Variants in YAF2 observed in about 807,000 individuals in gnomAD.
YAF2 encodes the protein YY1 associated factor 2.
In YAF2, 7 loss-of-function variants were observed where a neutral mutation model predicts 20.1. The observed-to-expected ratio is 0.35, with a 90% CI of 0.20 to 0.65. The LOEUF (loss-of-function observed/expected upper bound fraction) is 0.65, where lower values mean the gene tolerates loss of function less well. Among genes scored for constraint, YAF2 ranks in the 30% least tolerant of loss-of-function variants. The pLI is 0.69. For synonymous variants in YAF2, 74 were observed against 76.0 expected (o/e 0.97, Z 0.14); for missense variants, 151 against 219.2 (o/e 0.69, Z 1.96).
chr12:42,172,306 G>A (rs752445892), intron 2 of YAF2: 5 of 152,134 alleles, frequency 3.3e-5, no homozygotes, highest in African/African-American at 4.8e-5. Flanking sequence ...GACAGAAGTC[G>A]TACAAAATTA....
intron 2 of YAF2, among the ~76,000 whole-genome samples, chr12:42,184,426 C>T (rs1156418281): frequency 6.6e-6 from 1 of 152,190 alleles, no homozygotes; most frequent in Non-Finnish European, 1.5e-5. Flanking sequence ...TCTCCTGCCT[C>T]AGTCTCCTGA....
intron 2 of YAF2, among the ~76,000 whole-genome samples, chr12:42,169,627 G>A (rs1221830029): frequency 2.0e-5 from 3 of 151,874 alleles, no homozygotes; most frequent in Admixed American, 6.6e-5. Flanking sequence ...TGCCCAGGCT[G>A]GTCTCAAACT....
rs772110525 is a variant in YAF2 at position 42,160,613 on chromosome 12, T to C, written c.519A>G (p.Ser173=). Reference sequence around the variant, plus strand: ...TTTAATGAGATTCTCCATTCAATGATGAGGCTTCTCCTCTGGGTGAAGATG... The same window carrying C: ...TTTAATGAGATTCTCCATTCAATGACGAGGCTTCTCCTCTGGGTGAAGATG... ...SRSSSPRGEA[S]SLNGESH is the part of the protein sequence containing the mutation. Residue 173 remains serine (S), a synonymous_variant, in exon 4 of 4, where the codon TCA becomes TCG. Coordinates refer to ENST00000534854, the MANE Select transcript of YAF2 (RefSeq NM_005748.6). 1 of 1,613,056 alleles carries C rather than the reference T, an allele frequency of 6.2e-7. No homozygotes were observed. The highest frequency in any genetic ancestry group is 8.5e-7 in the Non-Finnish European group (1 of 1,179,288).
At chr12:42,163,827 C>T (rs1165296312) in intron 2 of YAF2, among the ~76,000 whole-genome samples, 1 of 152,138 alleles carries the variant, frequency 6.6e-6, no homozygotes, top group Non-Finnish European at 1.5e-5. Flanking sequence ...GATCTTTTTA[C>T]AACATCGTAA....
At chr12:42,195,202 T>C (rs11181374) in intron 2 of YAF2, among the ~76,000 whole-genome samples, 1,534 of 152,288 alleles carry the variant, frequency 0.01, 31 homozygotes, top group African/African-American at 0.035. Flanking sequence ...AAGTTCTCTG[T>C]AAATGAGGAA....
chr12:42,209,599 A>G (rs2137219801), intron 2 of YAF2, among the ~76,000 whole-genome samples: 1 of 151,268 alleles, frequency 6.6e-6, no homozygotes, highest in Admixed American at 6.6e-5. Context: ...AGTGCTAGAC[A>G]ATTAATATAA....
chr12:42,209,450 G>A (rs2067142443), intron 2 of YAF2, among the ~76,000 whole-genome samples: 2 of 151,276 alleles, frequency 1.3e-5, no homozygotes, highest in South Asian at 4.2e-4. Context: ...TGTAGTCCCA[G>A]CTACTCAGGA....
intron 2 of YAF2, among the ~76,000 whole-genome samples, chr12:42,192,182 G>A (rs1033963090): frequency 1.3e-5 from 2 of 152,142 alleles, no homozygotes; most frequent in Non-Finnish European, 2.9e-5. Flanking sequence ...AGGCAGACCA[G>A]GCCAAGAAGG....
At chr12:42,181,971 C>A (rs542930798) in intron 2 of YAF2, among the ~76,000 whole-genome samples, 3 of 152,142 alleles carry the variant, frequency 2.0e-5, no homozygotes, top group African/African-American at 7.2e-5. Context: ...GCCAGTGTTA[C>A]CTAGTGTAAT....
rs182696533 is a variant in YAF2, at chr12:42,176,278, C to T, written c.153-14513G>A. On this transcript the variant is annotated intron_variant, in intron 2 of 3. Transcript: ENST00000534854. ...CTGGGACTACAGGAGTGCACCATCACGCCAGCTAATTTTTGTATTTTAAAT... is the reference window on the plus strand; with the variant it reads ...CTGGGACTACAGGAGTGCACCATCATGCCAGCTAATTTTTGTATTTTAAAT... 8.3e-3 allele frequency among the ~76,000 whole-genome samples: 1,257 copies of T among 151,528 alleles called. 11 individuals are homozygous for T. The highest frequency in any genetic ancestry group is 0.014 in the Non-Finnish European group (926 of 67,936).
intron 2 of YAF2, among the ~76,000 whole-genome samples, chr12:42,215,188 CTACT>C (rs1316635010): frequency 4.6e-5 from 7 of 152,120 alleles, no homozygotes; most frequent in African/African-American, 1.7e-4. Context: ...AGAGTCTTGG[CTACT>C]CCTTTCTTAT....
chr12:42,165,992 A>G (rs890172876), intron 2 of YAF2, among the ~76,000 whole-genome samples: 31 of 151,728 alleles, frequency 2.0e-4, no homozygotes, highest in Admixed American at 1.2e-3. Flanking sequence ...ATCTTGGCTC[A>G]ATGCAACCTC....
At chr12:42,194,459 C>G (rs754916377) in intron 2 of YAF2, among the ~76,000 whole-genome samples, 4 of 152,122 alleles carry the variant, frequency 2.6e-5, no homozygotes, top group Admixed American at 1.3e-4. Context: ...GTCTGGCCAA[C>G]ACGGTGAAAA....
intron 2 of YAF2, among the ~76,000 whole-genome samples, chr12:42,169,705 G>A (rs1175840389): frequency 6.6e-6 from 1 of 151,284 alleles, no homozygotes; most frequent in Non-Finnish European, 1.5e-5. Flanking sequence ...GAACCACCGT[G>A]CCCAGCCAAC....
intron 2 of YAF2, among the ~76,000 whole-genome samples, chr12:42,164,985 G>T (rs1364611496): frequency 2.6e-5 from 4 of 151,446 alleles, no homozygotes; most frequent in Admixed American, 6.6e-5. Flanking sequence ...AGCCCAGGAG[G>T]TGGAGGTTGC....
chr12:42,176,243 C>T (rs544738633), intron 2 of YAF2, among the ~76,000 whole-genome samples: 58 of 151,030 alleles, frequency 3.8e-4, no homozygotes, highest in African/African-American at 1.3e-3. Context: ...ACCTGGATGT[C>T]TATGAGTAGC....
intron 2 of YAF2, among the ~76,000 whole-genome samples, chr12:42,165,240 G>A (rs1242730473): frequency 1.3e-5 from 2 of 152,016 alleles, no homozygotes; most frequent in Non-Finnish European, 2.9e-5. Context: ...AACAGGAGGA[G>A]GAGTTATTAT....
chr12:42,193,457 T>C (rs1233204081), intron 2 of YAF2, among the ~76,000 whole-genome samples: 1 of 152,202 alleles, frequency 6.6e-6, no homozygotes, highest in Admixed American at 6.5e-5. Context: ...ATTTATAACT[T>C]TAAGCAACCT....
At chr12:42,184,106 GCTCA>G (rs1295864966) in intron 2 of YAF2, among the ~76,000 whole-genome samples, 3 of 152,116 alleles carry the variant, frequency 2.0e-5, no homozygotes, top group Non-Finnish European at 1.5e-5. Context: ...AAAATATTTA[GCTCA>G]CTGTTTAAGC....
Sources: gnomAD v4.1 joint callset for allele counts (sites outside exome capture counted in the v4.1 genomes callset) on GRCh38, gnomAD v4.1.1 for gene constraint, MANE v1.5 for transcripts, NCBI Gene and HGNC (gene_info 2026-07-23, HGNC 2026-07-21) for gene names.